The following TYW1B variants were observed in gnomAD, a reference collection of about 807,000 sequenced individuals.
The protein encoded by TYW1B is S-adenosyl-L-methionine-dependent tRNA 4-demethylwyosine synthase TYW1B.
TYW1B carries 73 observed loss-of-function variants against 86.9 expected under a neutral mutation model. That is an observed-to-expected ratio of 0.84 (90% confidence interval 0.70 to 1.02). The LOEUF is 1.02. TYW1B is among the 50% of genes least tolerant of loss of function. TYW1B has a pLI of 0.00. For synonymous variants in TYW1B, 248 were observed against 292.8 expected (o/e 0.85, Z 1.56); for missense variants, 637 against 827.4 (o/e 0.77, Z 2.82).
At chr7:72,805,924 G>A (rs1255980914) in intron 5 of TYW1B, among the ~76,000 whole-genome samples, 3 of 152,116 alleles carry the variant, frequency 2.0e-5, no homozygotes, top group African/African-American at 4.8e-5. Flanking sequence ...CTGTGAAGAT[G>A]ACAGGAGTGT....
chr7:72,815,270 C>A, intron 3 of TYW1B, 110 bp downstream of exon 3: 1 of 1,032,924 alleles, frequency 9.7e-7, no homozygotes, highest in Non-Finnish European at 1.4e-6. Context: ...TCCCTTAGCA[C>A]GAAAATTAAA....
intron 11 of TYW1B, among the ~76,000 whole-genome samples, chr7:72,685,608 C>CA (rs34548116): frequency 6.6e-6 from 1 of 151,562 alleles, no homozygotes; most frequent in Non-Finnish European, 1.5e-5. Context: ...AATCCACATG[C>CA]AAAAAAAAAG....
intron 13 of TYW1B, among the ~76,000 whole-genome samples, chr7:72,615,635 G>A (rs1391237083): frequency 5.3e-5 from 8 of 152,120 alleles, no homozygotes; most frequent in African/African-American, 1.9e-4. Context: ...AGGAACTTTA[G>A]TCATTGGAAT....
intron 2 of TYW1B, among the ~76,000 whole-genome samples, chr7:72,817,526 T>C (rs1272550164): frequency 6.6e-5 from 10 of 152,112 alleles, no homozygotes; most frequent in Admixed American, 1.3e-4. Flanking sequence ...TCTCCAATGT[T>C]GGAAGTGAGC....
At position 72,671,229 on chromosome 7, in the gene TYW1B, G is replaced by A. The variant is rs184337270; in HGVS notation, c.1506+23458C>T. The stretch of plus-strand genomic sequence containing the variant: ...CCTTAGAAAAATGATCTTCTTAGGG[G>A]TGGCTTCTGACAGTTGTCCTTTTTA... On this transcript the variant is annotated intron_variant, in intron 11 of 13. Transcript: ENST00000620995. 1.1e-4 allele frequency among the ~76,000 whole-genome samples: 17 copies of A among 152,208 alleles called. No individual in the cohort carries two copies. In the East Asian group the frequency reaches 3.1e-3, roughly 28 times the overall value.
At chr7:72,817,820 G>A (rs1788753043) in intron 2 of TYW1B, among the ~76,000 whole-genome samples, 1 of 152,028 alleles carries the variant, frequency 6.6e-6, no homozygotes, top group Admixed American at 6.6e-5. Context: ...CCCTTTGGAG[G>A]CTTCCAATTG....
chr7:72,575,264 T>C lies in TYW1B; in HGVS notation c.*234A>G. On this transcript the variant is annotated 3_prime_UTR_variant, in exon 14 of 14. Transcript: ENST00000620995. ...TAGTTCCTCCCCAAAATAATTTTCC[T>C]CTTAGAAGTAAAATCAGGAAAGGGG... 3 of 1,358,516 alleles carry C rather than the reference T, an allele frequency of 2.2e-6. No individual in the cohort carries two copies. The South Asian group carries it at 5.3e-5, about 24-fold the overall frequency. The allele number at this position is 1,358,516 out of a possible 1,614,324, so 84.2% of individuals were successfully genotyped here.
chr7:72,754,519 C>T (rs1787554626), intron 7 of TYW1B, among the ~76,000 whole-genome samples: 7 of 152,118 alleles, frequency 4.6e-5, no homozygotes. Context: ...TCACTGCTAC[C>T]TCTGTCTCCC....
intron 6 of TYW1B, among the ~76,000 whole-genome samples, chr7:72,792,748 A>G (rs1222478667): frequency 2.0e-5 from 3 of 152,216 alleles, no homozygotes; most frequent in African/African-American, 7.2e-5. Context: ...GTGGGACATC[A>G]TTATGAACTA....
chr7:72,656,687 T>C (rs1417215871), intron 11 of TYW1B, among the ~76,000 whole-genome samples: 2 of 152,124 alleles, frequency 1.3e-5, no homozygotes, highest in African/African-American at 2.4e-5. Context: ...GCTCACAGTT[T>C]TGCAGGGTGT....
chr7:72,707,383 A>G (rs550010114), intron 10 of TYW1B, among the ~76,000 whole-genome samples: 32 of 152,342 alleles, frequency 2.1e-4, no homozygotes, highest in African/African-American at 7.5e-4. Context: ...ACCCAAGACC[A>G]AAAGACTTCC....
intron 9 of TYW1B, among the ~76,000 whole-genome samples, chr7:72,726,372 T>G (rs1554458738): frequency 6.6e-6 from 1 of 151,638 alleles, no homozygotes; most frequent in Non-Finnish European, 1.5e-5. Context: ...TTTTTTTTGT[T>G]TTTTTTGAGA....
chr7:72,743,288 G>A (rs1787336274), intron 8 of TYW1B, among the ~76,000 whole-genome samples: 4 of 152,148 alleles, frequency 2.6e-5, no homozygotes, highest in Admixed American at 2.6e-4. Flanking sequence ...AGAGCTAACA[G>A]GGGAAACTGA....
Position 72,717,378 on chromosome 7 carries a change from C to A in TYW1B, c.1193-3580G>T, listed in dbSNP as rs1401986620. 5.3e-5 allele frequency among the ~76,000 whole-genome samples: 8 copies of A among 152,106 alleles called. No homozygotes were observed. In the East Asian group the frequency reaches 1.5e-3, roughly 29 times the overall value. Reference sequence around the variant, plus strand: ...TCCCCCACCAGCAATCTCCACCAGGCACCACTTTATTTAACCCAAAACAAC... The same window carrying A: ...TCCCCCACCAGCAATCTCCACCAGGAACCACTTTATTTAACCCAAAACAAC... On this transcript the variant is annotated intron_variant, in intron 9 of 13. Coordinates refer to ENST00000620995, the MANE Select transcript of TYW1B (RefSeq NM_001145440.3).
At chr7:72,735,874 A>C (rs1311099820) in intron 8 of TYW1B, among the ~76,000 whole-genome samples, 6 of 151,916 alleles carry the variant, frequency 3.9e-5, no homozygotes, top group Non-Finnish European at 8.8e-5. Context: ...TCTAAAAAAA[A>C]AAAAAAAATT....
At chr7:72,715,580 G>C in intron 9 of TYW1B, among the ~76,000 whole-genome samples, 1 of 151,980 alleles carries the variant, frequency 6.6e-6, no homozygotes, top group Non-Finnish European at 1.5e-5. Flanking sequence ...ACACACTGGG[G>C]CCTATCAGAG....
chr7:72,688,119 A>G lies in TYW1B; in HGVS notation c.1506+6568T>C, dbSNP rs149505345. Among the ~76,000 whole-genome samples, 8 of 152,358 alleles carry G rather than the reference A, an allele frequency of 5.3e-5. No homozygotes were observed. In the East Asian group the frequency reaches 1.5e-3, roughly 29 times the overall value. On this transcript the variant is annotated intron_variant, in intron 11 of 13. Coordinates refer to ENST00000620995, the MANE Select transcript of TYW1B (RefSeq NM_001145440.3). ...GTGAAATATAGACACATATGTATGA[A>G]CATGCATAAAAACTGTAGAAGATGT...
chr7:72,584,183 C>T (rs1446526218), intron 13 of TYW1B, among the ~76,000 whole-genome samples: 1 of 152,160 alleles, frequency 6.6e-6, no homozygotes, highest in Admixed American at 6.6e-5. Flanking sequence ...AGAGCTGGGA[C>T]TACAGTGCAT....
intron 11 of TYW1B, among the ~76,000 whole-genome samples, chr7:72,641,125 G>A (rs1247204726): frequency 2.6e-5 from 4 of 151,962 alleles, no homozygotes; most frequent in African/African-American, 4.8e-5. Context: ...AAAATACTAT[G>A]AACAACTATA....
Sources: allele counts gnomAD v4.1 joint callset (sites outside exome capture counted in the v4.1 genomes callset), GRCh38; gene constraint gnomAD v4.1.1; transcripts MANE v1.5; gene names NCBI Gene and HGNC (gene_info 2026-07-23, HGNC 2026-07-21).